Variants in INSC observed in about 807,000 individuals in gnomAD.
The protein encoded by INSC is INSC spindle orientation adaptor protein.
A neutral mutation model predicts 58.6 loss-of-function variants in INSC; 67 were observed. That is an observed-to-expected ratio of 1.14 (90% confidence interval 0.94 to 1.40). The LOEUF (loss-of-function observed/expected upper bound fraction) is 1.40. Among genes scored for constraint, INSC ranks in the 40% most tolerant of loss-of-function variants. The pLI is 0.00. For synonymous variants in INSC, 262 were observed against 276.1 expected (o/e 0.95, Z 0.51); for missense variants, 714 against 692.0 (o/e 1.03, Z -0.36).
chr11:15,248,717 T>C (rs1029592074), downstream of INSC, among the ~76,000 whole-genome samples: 3 of 152,162 alleles, frequency 2.0e-5, no homozygotes, highest in African/African-American at 7.2e-5. Context: ...CTTCAGATAA[T>C]ATATAATGTT....
At chr11:15,125,602 G>A (rs557593152) in intron 1 of INSC, among the ~76,000 whole-genome samples, 1 of 152,224 alleles carries the variant, frequency 6.6e-6, no homozygotes, top group African/African-American at 2.4e-5. Flanking sequence ...GCCTACATAT[G>A]AGGCCCCTTA....
Position 15,245,962 on chromosome 11 carries a change from T to C in INSC, c.1521T>C (p.Ser507=), listed in dbSNP as rs1665360244. The C allele has an allele frequency of 3.7e-6, 6 of 1,614,212 alleles. No individual in the cohort carries two copies. Among genetic ancestry groups the C allele is most frequent in the Non-Finnish European group, 5.1e-6 (6 of 1,180,012 alleles). The change falls in exon 13 of 13, where the codon TCT becomes TCC. Residue 507 remains serine (S), a synonymous_variant. Transcript: ENST00000379556. ...TCTGCCCTGAAGGCCTCCAGGACTC[T>C]GACTTTCAGCAGTTGGTCCAGCCTC... is the stretch of plus-strand genomic sequence containing the variant. The part of the protein sequence containing the change: ...AGVCPEGLQD[S]DFQQLVQPRL...
chr11:15,174,411 A>C (rs1285224425), intron 2 of INSC, among the ~76,000 whole-genome samples: 4 of 151,954 alleles, frequency 2.6e-5, no homozygotes, highest in Admixed American at 6.6e-5. Flanking sequence ...TATTACATAC[A>C]TTGCTCATTT....
intron 9 of INSC, among the ~76,000 whole-genome samples, chr11:15,228,262 G>C (rs141099153): frequency 2.6e-5 from 4 of 152,146 alleles, no homozygotes; most frequent in Non-Finnish European, 1.5e-5. Flanking sequence ...AACATCCTCT[G>C]TCTCTATGTG....
intron 2 of INSC, among the ~76,000 whole-genome samples, chr11:15,165,503 A>G (rs1849164255): frequency 6.6e-6 from 1 of 152,226 alleles, no homozygotes; most frequent in Non-Finnish European, 1.5e-5. Context: ...GTCCAAAGTT[A>G]CGTAGCTAGC....
chr11:15,116,846 T>TC (rs1847718059), intron 1 of INSC, among the ~76,000 whole-genome samples: 4 of 51,498 alleles, frequency 7.8e-5, no homozygotes, highest in African/African-American at 2.5e-4. Context: ...TCTTTCTTTC[T>TC]TTCTCTCTCT....
At chr11:15,223,636 A>G (rs541136427) in intron 8 of INSC, among the ~76,000 whole-genome samples, 62 of 152,228 alleles carry the variant, frequency 4.1e-4, no homozygotes, top group African/African-American at 1.5e-3. Context: ...AATGAGGGGG[A>G]GTGTTAGGAC....
At chr11:15,173,773 T>G (rs941360587) in intron 2 of INSC, among the ~76,000 whole-genome samples, 1 of 152,222 alleles carries the variant, frequency 6.6e-6, no homozygotes, top group African/African-American at 2.4e-5. Flanking sequence ...AGAAATCATA[T>G]GTTCAATTTC....
intron 10 of INSC, among the ~76,000 whole-genome samples, chr11:15,238,377 T>C (rs1367503671): frequency 6.6e-6 from 1 of 152,192 alleles, no homozygotes; most frequent in African/African-American, 2.4e-5. Flanking sequence ...GGGGGATTCA[T>C]CACCACTGGA....
intron 1 of INSC, among the ~76,000 whole-genome samples, chr11:15,128,969 G>A (rs1848062558): frequency 6.6e-6 from 1 of 152,132 alleles, no homozygotes; most frequent in Admixed American, 6.5e-5. Context: ...GCTCTTTCTG[G>A]CTGCAGAAAG....
intron 2 of INSC, among the ~76,000 whole-genome samples, chr11:15,175,137 C>T (rs990755232): frequency 1.3e-5 from 2 of 152,162 alleles, no homozygotes; most frequent in Admixed American, 1.3e-4. Context: ...TTACATTACT[C>T]CTTAAGAGCC....
chr11:15,242,393 CCCCT>C (rs1382032192), intron 12 of INSC, among the ~76,000 whole-genome samples: 15 of 152,266 alleles, frequency 9.9e-5, no homozygotes, highest in South Asian at 6.2e-4. Context: ...CTGAAGAGAA[CCCCT>C]CCCTCCCTAA....
At chr11:15,198,933 CT>C (rs1211669012) in intron 6 of INSC, among the ~76,000 whole-genome samples, 2 of 152,144 alleles carry the variant, frequency 1.3e-5, no homozygotes, top group Non-Finnish European at 2.9e-5. Flanking sequence ...GACATTTTTA[CT>C]GAAGTAATTA....
intron 7 of INSC, among the ~76,000 whole-genome samples, chr11:15,209,953 C>T (rs1040756381): frequency 6.6e-6 from 1 of 152,164 alleles, no homozygotes; most frequent in Non-Finnish European, 1.5e-5. Flanking sequence ...GCCCTGAGCC[C>T]CTGTTTGCAC....
At chr11:15,197,997 G>A (rs1850433940) in intron 6 of INSC, among the ~76,000 whole-genome samples, 1 of 142,574 alleles carries the variant, frequency 7.0e-6, no homozygotes, top group Non-Finnish European at 1.6e-5. Flanking sequence ...TCCAGGATGA[G>A]TGCTGCACTC....
At chr11:15,112,720 A>C (rs1481646665), upstream of INSC, among the ~76,000 whole-genome samples, 1 of 151,776 alleles carries the variant, frequency 6.6e-6, no homozygotes, top group Non-Finnish European at 1.5e-5. Flanking sequence ...TCTTACCCTG[A>C]AACCCAGACA....
At chr11:15,170,563 T>G (rs989975495) in intron 2 of INSC, among the ~76,000 whole-genome samples, 2 of 152,196 alleles carry the variant, frequency 1.3e-5, no homozygotes, top group African/African-American at 4.8e-5. Flanking sequence ...GGGTACATGC[T>G]AGCAACATGC....
downstream of INSC, among the ~76,000 whole-genome samples, chr11:15,248,418 A>G (rs1029416205): frequency 6.6e-6 from 1 of 152,216 alleles, no homozygotes; most frequent in African/African-American, 2.4e-5. Flanking sequence ...ACTTCTTAGT[A>G]TTTTTATAAA....
chr11:15,213,612 A>G (rs541369434), intron 7 of INSC, among the ~76,000 whole-genome samples: 1 of 152,314 alleles, frequency 6.6e-6, no homozygotes, highest in Non-Finnish European at 1.5e-5. Context: ...TATTTACTCT[A>G]TATACTCTTA....
Sources: allele counts gnomAD v4.1 joint callset (sites outside exome capture counted in the v4.1 genomes callset), GRCh38; gene constraint gnomAD v4.1.1; transcripts MANE v1.5; gene names NCBI Gene and HGNC (gene_info 2026-07-23, HGNC 2026-07-21).